TRAK2: variants seen among roughly 807,000 people sequenced by gnomAD.
The protein encoded by TRAK2 is trafficking kinesin-binding protein 2.
Under a neutral mutation model 104.6 loss-of-function variants are expected in TRAK2, and 81 were observed. The ratio of observed to expected loss-of-function variants is 0.77; its 90% confidence interval spans 0.65 to 0.93. The LOEUF (loss-of-function observed/expected upper bound fraction) is 0.93. TRAK2 is among the 40% of genes least tolerant of loss of function. The pLI, the probability that TRAK2 is intolerant of heterozygous loss-of-function variation, is 0.00. For missense variants in TRAK2, 1,002 were observed against 1,089.0 expected (o/e 0.92, Z 1.12); for synonymous variants, 406 against 394.4 (o/e 1.03, Z -0.35).
Position 201,403,283 on chromosome 2 carries a change from CT to C in TRAK2, c.287-2190del, listed in dbSNP as rs1170606544. Among the ~76,000 whole-genome samples the C allele has an allele frequency of 8.5e-5, 13 of 152,250 alleles. No individual in the cohort carries two copies. The East Asian group carries it at 1.9e-3, about 23-fold the overall frequency. Reference sequence around the variant, plus strand: ...GAAGTTATCTAGTTTAATGATCTCACTTTCTTGTATGAGGAATCTTCTCTGA... The same window carrying C: ...GAAGTTATCTAGTTTAATGATCTCACTTCTTGTATGAGGAATCTTCTCTGA... On this transcript the variant is annotated intron_variant, in intron 3 of 15. Coordinates refer to ENST00000332624, the MANE Select transcript of TRAK2 (RefSeq NM_015049.3).
intron 1 of TRAK2, among the ~76,000 whole-genome samples, chr2:201,442,165 CA>C (rs1951930379): frequency 6.6e-6 from 1 of 151,082 alleles, no homozygotes; most frequent in African/African-American, 2.4e-5. Context: ...CTGAGGTGGG[CA>C]GATCACGAGG....
At chr2:201,417,414 G>GT (rs1410106041) in intron 2 of TRAK2, among the ~76,000 whole-genome samples, 2 of 151,878 alleles carry the variant, frequency 1.3e-5, no homozygotes, top group African/African-American at 2.4e-5. Flanking sequence ...TAACCAAGTA[G>GT]TTTTTTCCAG....
chr2:201,430,551 G>A (rs1030916383), intron 1 of TRAK2, among the ~76,000 whole-genome samples: 3 of 152,186 alleles, frequency 2.0e-5, no homozygotes, highest in Admixed American at 6.5e-5. Context: ...CCCCAGGCTC[G>A]CTGCCACCTT....
intron 12 of TRAK2, 123 bp from the exon 13 acceptor site, chr2:201,388,124 C>T (rs1324320695): frequency 4.8e-6 from 5 of 1,040,564 alleles, no homozygotes; most frequent in Non-Finnish European, 7.4e-6. Flanking sequence ...TTCCTAGATA[C>T]CTGGAATATA....
At chr2:201,397,611 C>T in intron 6 of TRAK2, 31 bp from the exon 7 acceptor site, 1 of 1,409,320 alleles carries the variant, frequency 7.1e-7, no homozygotes, top group Non-Finnish European at 9.9e-7. Context: ...TGTGACAATA[C>T]CTTCTAGTGA....
chr2:201,396,195 G>C (rs529790176), intron 7 of TRAK2, among the ~76,000 whole-genome samples: 1 of 152,236 alleles, frequency 6.6e-6, no homozygotes, highest in East Asian at 1.9e-4. Context: ...ATATTTCAAA[G>C]GATGGCGATA....
chr2:201,409,840 T>C (rs1457828143), intron 2 of TRAK2, among the ~76,000 whole-genome samples: 2 of 152,260 alleles, frequency 1.3e-5, no homozygotes, highest in African/African-American at 2.4e-5. Context: ...CTGTGTACCA[T>C]GTGGTACTTA....
Position 201,411,001 on chromosome 2 carries a change from C to T in TRAK2, c.92-3404G>A, listed in dbSNP as rs902828985. ...ATGTTGAATCCTGAAGTCTGAAAGC[C>T]CATATTGACATTTAGGCCATTTGTC... On this transcript the variant is annotated intron_variant, in intron 2 of 15. Coordinates refer to ENST00000332624, the MANE Select transcript of TRAK2 (RefSeq NM_015049.3). 38 of 1,441,778 alleles carry T rather than the reference C, an allele frequency of 2.6e-5. No individual in the cohort carries two copies. In the African/African-American group the frequency reaches 5.2e-4, roughly 20 times the overall value. The allele number at this position is 1,441,778 out of a possible 1,614,324, so 89.3% of individuals were successfully genotyped here.
chr2:201,413,663 A>G (rs1951668029), intron 2 of TRAK2, among the ~76,000 whole-genome samples: 1 of 151,980 alleles, frequency 6.6e-6, no homozygotes, highest in South Asian at 2.1e-4. Context: ...TGCCTCCTAG[A>G]TAAGGAAACT....
intron 1 of TRAK2, 134 bp downstream of exon 1, chr2:201,451,216 C>CA (rs1952032238): frequency 6.6e-6 from 1 of 152,464 alleles, no homozygotes; most frequent in Non-Finnish European, 1.5e-5. Flanking sequence ...CCCAGCCCTC[C>CA]AGCACCCAGC....
chr2:201,411,313 T>G, intron 2 of TRAK2: 1 of 757,412 alleles, frequency 1.3e-6, no homozygotes, highest in Non-Finnish European at 2.5e-6. Context: ...GATGCTCTTT[T>G]ATGTTTATTC....
intron 2 of TRAK2, among the ~76,000 whole-genome samples, chr2:201,417,118 A>C (rs1951698997): frequency 6.6e-6 from 1 of 151,752 alleles, no homozygotes; most frequent in South Asian, 2.1e-4. Flanking sequence ...AAAAGTAAAA[A>C]CATGAAAAAT....
At chr2:201,428,884 A>T (rs1039492723) in intron 1 of TRAK2, among the ~76,000 whole-genome samples, 1 of 152,134 alleles carries the variant, frequency 6.6e-6, no homozygotes, top group African/African-American at 2.4e-5. Context: ...GGTCCTTCAC[A>T]TCCCTTGTAA....
chr2:201,408,741 T>C (rs990338978), intron 2 of TRAK2, among the ~76,000 whole-genome samples: 1 of 152,128 alleles, frequency 6.6e-6, no homozygotes, highest in East Asian at 1.9e-4. Context: ...GAAAAAGCAA[T>C]ACAAAGCAAC....
intron 2 of TRAK2, among the ~76,000 whole-genome samples, chr2:201,419,665 T>A (rs1559449209): frequency 6.6e-6 from 1 of 152,194 alleles, no homozygotes; most frequent in Non-Finnish European, 1.5e-5. Context: ...TTGTCAAAAC[T>A]CGAACTGTAT....
chr2:201,427,377 T>C (rs2125657407), intron 1 of TRAK2, among the ~76,000 whole-genome samples: 1 of 142,906 alleles, frequency 7.0e-6, no homozygotes, highest in Admixed American at 7.2e-5. Flanking sequence ...TGTGTCCAAG[T>C]GTTCTCATTG....
chr2:201,410,867 G>T (rs760326021), intron 2 of TRAK2: 1 of 1,588,724 alleles, frequency 6.3e-7, no homozygotes, highest in Non-Finnish European at 8.6e-7. Flanking sequence ...CCAGCAGGAG[G>T]AACATTCAAA....
intron 1 of TRAK2, among the ~76,000 whole-genome samples, chr2:201,448,374 C>A (rs1951982122): frequency 6.6e-6 from 1 of 152,200 alleles, no homozygotes; most frequent in Non-Finnish European, 1.5e-5. Flanking sequence ...TATAAAAACA[C>A]CTCAGTGCTA....
rs1951308421 is a variant in TRAK2 at position 201,378,490 on chromosome 2, T to C, written c.*2053A>G. On this transcript the variant is annotated 3_prime_UTR_variant, in exon 16 of 16. Transcript: ENST00000332624. ...GGCAACAGAAACAGTAATTACTTTC[T>C]TAGGGAACAAATAAAAAATTTTAAG... The C allele has an allele frequency of 6.6e-6, 1 of 152,180 alleles. No homozygotes were observed. The highest frequency in any genetic ancestry group is 2.4e-5 in the African/African-American group (1 of 41,428). The allele number at this position is 152,180 out of a possible 1,614,324, so 9.4% of individuals were successfully genotyped here. A position where few individuals can be genotyped will look rare whatever the true frequency, so the allele number is the denominator to read the frequency against.
Sources: allele counts gnomAD v4.1 joint callset (sites outside exome capture counted in the v4.1 genomes callset), GRCh38; gene constraint gnomAD v4.1.1; transcripts MANE v1.5; gene names NCBI Gene and HGNC (gene_info 2026-07-23, HGNC 2026-07-21).